The following TSHR variants were observed in gnomAD, a reference collection of about 807,000 sequenced individuals.
TSHR encodes thyroid stimulating hormone receptor.
A neutral mutation model predicts 64.1 loss-of-function variants in TSHR; 51 were observed. The observed-to-expected ratio is 0.80, with a 90% CI of 0.64 to 1.01. The LOEUF is 1.01. TSHR is among the 50% of genes least tolerant of loss of function. TSHR has a pLI of 0.00. For missense variants in TSHR, 877 were observed against 942.8 expected (o/e 0.93, Z 0.91); for synonymous variants, 361 against 361.9 (o/e 1.00, Z 0.03).
At chr14:81,090,966 C>A in intron 4 of TSHR, 103 bp from the exon 5 acceptor site, 1 of 999,530 alleles carries the variant, frequency 1.0e-6, no homozygotes. Flanking sequence ...TACAGGTTGT[C>A]TTCAGAACCC....
chr14:81,028,623 C>T (rs1884195405), intron 1 of TSHR, among the ~76,000 whole-genome samples: 1 of 151,974 alleles, frequency 6.6e-6, no homozygotes, highest in African/African-American at 2.4e-5. Context: ...TGCTAGTTCC[C>T]CTAACCAACT....
intron 1 of TSHR, among the ~76,000 whole-genome samples, chr14:80,969,242 G>C (rs1887470647): frequency 6.6e-6 from 1 of 152,104 alleles, no homozygotes; most frequent in Non-Finnish European, 1.5e-5. Flanking sequence ...TTCATGACAG[G>C]GCACATAGTG....
intron 1 of TSHR, among the ~76,000 whole-genome samples, chr14:81,046,203 G>T (rs1885160934): frequency 6.6e-6 from 1 of 152,052 alleles, no homozygotes; most frequent in Admixed American, 6.6e-5. Context: ...AGAACAAACA[G>T]AAAAATGAGT....
At chr14:81,140,948 C>T (rs1391784024) in intron 9 of TSHR, among the ~76,000 whole-genome samples, 1 of 152,024 alleles carries the variant, frequency 6.6e-6, no homozygotes, top group South Asian at 2.1e-4. Flanking sequence ...GGTGAAACCC[C>T]GTCTGTACTA....
chr14:81,081,247 T>C (rs1387894229), intron 3 of TSHR, among the ~76,000 whole-genome samples: 1 of 152,240 alleles, frequency 6.6e-6, no homozygotes, highest in Non-Finnish European at 1.5e-5. Flanking sequence ...TTTGTCATTA[T>C]GTTATTTAAA....
rs1890010654 is a variant in TSHR, at chr14:81,013,156, A to G, written c.171-48992A>G. On this transcript the variant is annotated intron_variant, in intron 1 of 9. Coordinates refer to ENST00000298171, the MANE Select transcript of TSHR (RefSeq NM_000369.5). ...AAGGGATCCAGTTTCAGCTTTCTAC[A>G]TATGGCTAGCCCGTTTTCCCAGCAC... 4 of 152,208 alleles carry G rather than the reference A, an allele frequency of 2.6e-5. No homozygotes were observed. The South Asian group carries it at 8.3e-4, about 31-fold the overall frequency. The allele number at this position is 152,208 out of a possible 1,614,324, so 9.4% of individuals were successfully genotyped here.
At chr14:81,089,673 T>C (rs902124320) in intron 4 of TSHR, among the ~76,000 whole-genome samples, 1 of 152,204 alleles carries the variant, frequency 6.6e-6, no homozygotes, top group Admixed American at 6.5e-5. Context: ...TTTAAGGGAC[T>C]TGTTTGAGAT....
intron 1 of TSHR, among the ~76,000 whole-genome samples, chr14:81,030,446 T>C (rs1884293469): frequency 6.6e-6 from 1 of 152,204 alleles, no homozygotes; most frequent in Admixed American, 6.5e-5. Context: ...GCCTTGAATT[T>C]TAAAGGAAAT....
intron 1 of TSHR, among the ~76,000 whole-genome samples, chr14:80,963,416 T>A (rs1400729069): frequency 6.6e-6 from 1 of 152,178 alleles, no homozygotes; most frequent in Admixed American, 6.5e-5. Flanking sequence ...AAATATCTTT[T>A]CTTTACCCAT....
At chr14:80,961,906 A>G (rs1250986177) in intron 1 of TSHR, among the ~76,000 whole-genome samples, 6 of 152,176 alleles carry the variant, frequency 3.9e-5, no homozygotes, top group Non-Finnish European at 5.9e-5. Flanking sequence ...TTTTATTTTA[A>G]AGTACTTGAA....
In TSHR at chr14:81,145,890, A is replaced by G. The variant is rs1891909793; in HGVS notation, c.*1537A>G. The G allele has an allele frequency of 4.3e-6, 1 of 232,734 alleles. No homozygotes were observed. The allele number at this position is 232,734 out of a possible 1,614,324, so 14.4% of individuals were successfully genotyped here. A position where few individuals can be genotyped will look rare whatever the true frequency, so the allele number is the denominator to read the frequency against. On this transcript the variant is annotated 3_prime_UTR_variant, in exon 10 of 10. Transcript: ENST00000298171. Reference sequence around the variant, plus strand: ...TGACATTACTTCTGAATGCTCATAAACCACACCATGAAATAAAAGCTCTTT... The same window carrying G: ...TGACATTACTTCTGAATGCTCATAAGCCACACCATGAAATAAAAGCTCTTT...
At chr14:81,034,779 G>A (rs1279025451) in intron 1 of TSHR, among the ~76,000 whole-genome samples, 2 of 152,096 alleles carry the variant, frequency 1.3e-5, no homozygotes, top group East Asian at 3.9e-4. Context: ...ACAGAAACAG[G>A]ACTAAAGTTA....
intron 3 of TSHR, among the ~76,000 whole-genome samples, chr14:81,078,174 C>T (rs753141211): frequency 1.3e-5 from 2 of 152,058 alleles, no homozygotes; most frequent in Non-Finnish European, 2.9e-5. Flanking sequence ...CAATTATTTC[C>T]CTTTAGCCCA....
chr14:81,078,199 T>A (rs923134549), intron 3 of TSHR, among the ~76,000 whole-genome samples: 3 of 152,216 alleles, frequency 2.0e-5, no homozygotes, highest in African/African-American at 7.2e-5. Context: ...ACTTTTAGTA[T>A]TTCACTGTGG....
intron 1 of TSHR, chr14:80,992,795 A>G (rs1888807882): frequency 6.6e-6 from 1 of 152,230 alleles, no homozygotes; most frequent in Non-Finnish European, 1.5e-5. Context: ...CCTAGTCCAG[A>G]GGTCATGGTA....
intron 2 of TSHR, among the ~76,000 whole-genome samples, chr14:81,067,338 A>C (rs1886695084): frequency 6.6e-6 from 1 of 151,868 alleles, no homozygotes; most frequent in South Asian, 2.1e-4. Context: ...CATGCCAAGC[A>C]CTCTGAAAGG....
chr14:81,136,758 C>T (rs1217635121), intron 8 of TSHR, among the ~76,000 whole-genome samples: 1 of 152,202 alleles, frequency 6.6e-6, no homozygotes, highest in Non-Finnish European at 1.5e-5. Context: ...TCTACTTTCT[C>T]CTTGCCTGCC....
chr14:80,957,335 G>A (rs1374948090), intron 1 of TSHR, among the ~76,000 whole-genome samples: 1 of 151,928 alleles, frequency 6.6e-6, no homozygotes, highest in Non-Finnish European at 1.5e-5. Flanking sequence ...CTTAGACATT[G>A]TCTACTTTCT....
intron 1 of TSHR, chr14:80,982,948 T>C (rs1303515072): frequency 1.5e-5 from 8 of 532,668 alleles, no homozygotes; most frequent in Non-Finnish European, 1.4e-5. Context: ...CTATGTGGAC[T>C]CTGAGGAATT....
Sources: allele counts gnomAD v4.1 joint callset (sites outside exome capture counted in the v4.1 genomes callset), GRCh38; gene constraint gnomAD v4.1.1; transcripts MANE v1.5; gene names NCBI Gene and HGNC (gene_info 2026-07-23, HGNC 2026-07-21).